The following GALNT13 variants were observed in gnomAD, a reference collection of about 807,000 sequenced individuals.
GALNT13 encodes the protein UDP-GalNAc:polypeptide N-acetylgalactosaminyltransferase 13.
GALNT13 carries 28 observed loss-of-function variants against 64.2 expected under a neutral mutation model. The ratio of observed to expected loss-of-function variants is 0.44; its 90% CI spans 0.32 to 0.60. The LOEUF is 0.60. Ranked by LOEUF, GALNT13 falls within the 20% of genes least tolerant of loss-of-function variation. The pLI is 0.05. For missense variants in GALNT13, 577 were observed against 669.8 expected (o/e 0.86, Z 1.53); for synonymous variants, 214 against 224.6 (o/e 0.95, Z 0.42).
At chr2:153,798,981 T>C in the GALNT13 span, among the ~76,000 whole-genome samples, 1 of 152,160 alleles carries the variant, frequency 6.6e-6, no homozygotes, top group South Asian at 2.1e-4. Context: ...TTTCACATCA[T>C]CTAGATATAA....
At chr2:153,972,739 A>G (rs775985033) in intron 3 of GALNT13, among the ~76,000 whole-genome samples, 1 of 151,998 alleles carries the variant, frequency 6.6e-6, no homozygotes, top group Admixed American at 6.6e-5. Flanking sequence ...TACTTCCCTC[A>G]CCTAACATAG....
the GALNT13 span, among the ~76,000 whole-genome samples, chr2:153,404,928 G>T: frequency 1.3e-5 from 2 of 152,116 alleles, no homozygotes; most frequent in East Asian, 3.9e-4. Context: ...TTTAGCTGTG[G>T]GATAGGCTTC....
chr2:154,198,351 TTTTTGTTTTG>T (rs1169084892), intron 4 of GALNT13, among the ~76,000 whole-genome samples: 1 of 152,018 alleles, frequency 6.6e-6, no homozygotes, highest in Non-Finnish European at 1.5e-5. Context: ...TCTTTGTTGT[TTTTTGTTTTG>T]TTTTGTTTTG....
the GALNT13 span, among the ~76,000 whole-genome samples, chr2:153,704,411 C>T: frequency 9.9e-5 from 15 of 152,202 alleles, no homozygotes; most frequent in Non-Finnish European, 1.8e-4. Context: ...GAAAGACTTT[C>T]AAATTACCTC....
chr2:153,374,376 T>C, the GALNT13 span, among the ~76,000 whole-genome samples: 2 of 152,170 alleles, frequency 1.3e-5, no homozygotes, highest in Non-Finnish European at 2.9e-5. Flanking sequence ...TAGCCATTGA[T>C]ATATATTCTT....
At chr2:153,797,349 G>A in the GALNT13 span, among the ~76,000 whole-genome samples, 1 of 152,172 alleles carries the variant, frequency 6.6e-6, no homozygotes, top group Non-Finnish European at 1.5e-5. Flanking sequence ...AGAATGACTT[G>A]GTGATGCTCT....
chr2:154,320,962 T>C (rs1034340192), intron 9 of GALNT13, among the ~76,000 whole-genome samples: 4 of 152,206 alleles, frequency 2.6e-5, no homozygotes, highest in African/African-American at 9.6e-5. Flanking sequence ...GATTTTTTAT[T>C]TTCTCTGGTA....
At position 153,916,056 on chromosome 2, in the gene GALNT13, T is replaced by C. The variant is rs138203155; in HGVS notation, c.-105+15049T>C. On this transcript the variant is annotated intron_variant, in intron 2 of 12. Coordinates refer to ENST00000392825, the MANE Select transcript of GALNT13 (RefSeq NM_052917.4). ...TCACAAGGAGAGGATAGGAATTACA[T>C]TGAGGTGATCTGATCTTTTCTTTTC... 4.1e-3 allele frequency among the ~76,000 whole-genome samples: 619 copies of C among 152,218 alleles called. 3 individuals are homozygous for C. Among genetic ancestry groups the C allele is most frequent in the African/African-American group, 0.014 (589 of 41,548 alleles).
the GALNT13 span, among the ~76,000 whole-genome samples, chr2:153,201,892 T>A: frequency 6.6e-6 from 1 of 151,794 alleles, no homozygotes; most frequent in Non-Finnish European, 1.5e-5. Flanking sequence ...CAGATCTTCG[T>A]CTCTATACCC....
At chr2:153,699,026 C>G in the GALNT13 span, among the ~76,000 whole-genome samples, 1 of 152,140 alleles carries the variant, frequency 6.6e-6, no homozygotes, top group Non-Finnish European at 1.5e-5. Flanking sequence ...AGATCAAGAC[C>G]ATCCTGGCCA....
the GALNT13 span, among the ~76,000 whole-genome samples, chr2:153,205,082 A>G: frequency 1.3e-5 from 2 of 152,134 alleles, no homozygotes; most frequent in African/African-American, 4.8e-5. Context: ...TGAAGGGAAC[A>G]TGATACTCAT....
At chr2:153,546,567 C>T in the GALNT13 span, among the ~76,000 whole-genome samples, 1 of 152,206 alleles carries the variant, frequency 6.6e-6, no homozygotes, top group African/African-American at 2.4e-5. Context: ...AGGTGTCAGA[C>T]AAGATTAGAT....
At position 154,114,559 on chromosome 2, in the gene GALNT13, A is replaced by C. The variant is rs532352551; in HGVS notation, c.143-25778A>C. 2.6e-5 allele frequency among the ~76,000 whole-genome samples: 4 copies of C among 151,788 alleles called. No homozygotes were observed. The East Asian group carries it at 7.8e-4, about 30-fold the overall frequency. ...GAAGGATGGAAGAAATATTAACAGC[A>C]TAAATTGTCAGTAGTGTAGTGGGGT... On this transcript the variant is annotated intron_variant, in intron 3 of 12. Coordinates refer to ENST00000392825, the MANE Select transcript of GALNT13 (RefSeq NM_052917.4).
At chr2:154,045,094 T>A (rs1019444217) in intron 3 of GALNT13, among the ~76,000 whole-genome samples, 1 of 152,172 alleles carries the variant, frequency 6.6e-6, no homozygotes, top group African/African-American at 2.4e-5. Flanking sequence ...TGGAATAATA[T>A]GTGATAAGGA....
At chr2:154,152,241 G>A (rs1162415108) in intron 4 of GALNT13, among the ~76,000 whole-genome samples, 1 of 152,096 alleles carries the variant, frequency 6.6e-6, no homozygotes, top group East Asian at 1.9e-4. Flanking sequence ...TTTTCTTTAA[G>A]AATGTTGAAT....
chr2:153,715,391 C>T, the GALNT13 span, among the ~76,000 whole-genome samples: 2 of 152,190 alleles, frequency 1.3e-5, no homozygotes, highest in Non-Finnish European at 2.9e-5. Flanking sequence ...CCTTAGCTCC[C>T]GAGGGTTTCA....
chr2:153,785,533 C>T, the GALNT13 span, among the ~76,000 whole-genome samples: 1 of 152,312 alleles, frequency 6.6e-6, no homozygotes, highest in Admixed American at 6.5e-5. Flanking sequence ...GTCCCCAATC[C>T]AGTATCTCCC....
chr2:153,669,864 T>C, the GALNT13 span, among the ~76,000 whole-genome samples: 1 of 151,524 alleles, frequency 6.6e-6, no homozygotes, highest in African/African-American at 2.4e-5. Flanking sequence ...GACCAGGAGA[T>C]TCCCTCCTGT....
At chr2:153,478,075 G>C in the GALNT13 span, 6 of 633,974 alleles carry the variant, frequency 9.5e-6, no homozygotes, top group African/African-American at 1.1e-4. Context: ...GACTTTCAGA[G>C]GGCGAGGGAG....
Sources: gnomAD v4.1 joint callset for allele counts (sites outside exome capture counted in the v4.1 genomes callset) on GRCh38, gnomAD v4.1.1 for gene constraint, MANE v1.5 for transcripts, NCBI Gene and HGNC (gene_info 2026-07-23, HGNC 2026-07-21) for gene names.